The following ANK1 variants were observed in gnomAD, a reference collection of about 807,000 sequenced individuals.
ANK1 encodes the protein ankyrin 1, also known as ankyrin-1.
Under a neutral mutation model 210.4 loss-of-function variants are expected in ANK1, and 51 were observed. The ratio of observed to expected loss-of-function variants is 0.24; its 90% CI spans 0.19 to 0.31. The LOEUF is 0.31. ANK1 is among the 10% of genes least tolerant of loss of function. ANK1 has a pLI of 1.00. For missense variants in ANK1, 2,051 were observed against 2,504.4 expected (o/e 0.82, Z 3.86); for synonymous variants, 967 against 1,025.9 (o/e 0.94, Z 1.10).
At chr8:41,852,613 G>C (rs1285592660) in intron 1 of ANK1, among the ~76,000 whole-genome samples, 1 of 152,226 alleles carries the variant, frequency 6.6e-6, no homozygotes, top group Non-Finnish European at 1.5e-5. Context: ...AGCACCTGCT[G>C]TTTACTAGGC....
At chr8:41,836,120 C>A (rs1369191477) in intron 1 of ANK1, among the ~76,000 whole-genome samples, 1 of 152,248 alleles carries the variant, frequency 6.6e-6, no homozygotes, top group Non-Finnish European at 1.5e-5. Context: ...GAGGCCCCAG[C>A]AAGTCACTTC....
At chr8:41,727,471 C>T in intron 4 of ANK1, 123 bp from the exon 5 acceptor site, 1 of 761,052 alleles carries the variant, frequency 1.3e-6, no homozygotes, top group South Asian at 1.4e-5. Flanking sequence ...CACCTGACCC[C>T]TCCTAAGGAA....
chr8:41,690,634 G>C, intron 31 of ANK1, 35 bp from the exon 32 acceptor site: 1 of 1,605,050 alleles, frequency 6.2e-7, no homozygotes, highest in South Asian at 1.1e-5. Flanking sequence ...AGCTTGTCAG[G>C]GAGAGAAGGG....
At chr8:41,743,125 A>G (rs1018434916) in intron 2 of ANK1, among the ~76,000 whole-genome samples, 4 of 152,202 alleles carry the variant, frequency 2.6e-5, no homozygotes, top group African/African-American at 9.7e-5. Context: ...AACAGAATAT[A>G]TTACGTTTGC....
chr8:41,680,766 CT>C (rs897271948), intron 37 of ANK1, among the ~76,000 whole-genome samples: 6 of 152,160 alleles, frequency 3.9e-5, no homozygotes, highest in African/African-American at 1.4e-4. Flanking sequence ...GTGGGAGTCA[CT>C]ATGAAGCTGC....
At chr8:41,738,953 T>C (rs902665441) in intron 2 of ANK1, among the ~76,000 whole-genome samples, 1 of 152,196 alleles carries the variant, frequency 6.6e-6, no homozygotes, top group African/African-American at 2.4e-5. Context: ...GAGTAAATGA[T>C]TTCACTAAAT....
intron 14 of ANK1, 53 bp downstream of exon 14, chr8:41,715,599 G>A: frequency 6.2e-7 from 1 of 1,602,542 alleles, no homozygotes; most frequent in East Asian, 2.2e-5. Context: ...CGAGCTCCAG[G>A]CCTGGCTGAG....
chr8:41,814,368 A>G (rs1802991592), intron 1 of ANK1, among the ~76,000 whole-genome samples: 1 of 152,122 alleles, frequency 6.6e-6, no homozygotes, highest in Non-Finnish European at 1.5e-5. Context: ...TCAAAAAAAA[A>G]AAAAAAAAGT....
At chr8:41,807,570 A>AG (rs144209400) in intron 1 of ANK1, among the ~76,000 whole-genome samples, 129 of 152,138 alleles carry the variant, frequency 8.5e-4, no homozygotes, top group Admixed American at 1.2e-3. Flanking sequence ...GGCATTGAAG[A>AG]GGGGGTGGTG....
chr8:41,863,134 G>A (rs912633470), intron 1 of ANK1, among the ~76,000 whole-genome samples: 9 of 152,122 alleles, frequency 5.9e-5, no homozygotes, highest in Admixed American at 1.3e-4. Flanking sequence ...GGAGGCAGGC[G>A]GATCACGAGG....
At chr8:41,788,071 T>C (rs1306722863) in intron 1 of ANK1, among the ~76,000 whole-genome samples, 3 of 152,194 alleles carry the variant, frequency 2.0e-5, no homozygotes, top group African/African-American at 7.2e-5. Flanking sequence ...CACCAGGCAG[T>C]GAGACTCATT....
At chr8:41,813,992 CAG>C (rs1802892581) in intron 1 of ANK1, among the ~76,000 whole-genome samples, 1 of 152,238 alleles carries the variant, frequency 6.6e-6, no homozygotes, top group Non-Finnish European at 1.5e-5. Context: ...GTAACATAAT[CAG>C]TGTTTTCAAT....
intron 1 of ANK1, among the ~76,000 whole-genome samples, chr8:41,758,623 T>C (rs981999783): frequency 6.6e-6 from 1 of 152,062 alleles, no homozygotes; most frequent in African/African-American, 2.4e-5. Context: ...ATTACAGGCA[T>C]GAGCCACCGT....
chr8:41,751,601 T>C (rs578248939), intron 2 of ANK1, among the ~76,000 whole-genome samples: 13 of 152,128 alleles, frequency 8.5e-5, no homozygotes, highest in Non-Finnish European at 1.9e-4. Flanking sequence ...CCCGGCAAAA[T>C]GTGTGCTGAG....
At chr8:41,740,358 C>T (rs957910315) in intron 2 of ANK1, among the ~76,000 whole-genome samples, 2 of 151,914 alleles carry the variant, frequency 1.3e-5, no homozygotes, top group African/African-American at 2.4e-5. Context: ...CGGGGTTTCA[C>T]CATGTTGGCC....
At chr8:41,674,538 T>A (rs1438226985) in intron 37 of ANK1, among the ~76,000 whole-genome samples, 1 of 152,240 alleles carries the variant, frequency 6.6e-6, no homozygotes, top group Non-Finnish European at 1.5e-5. Context: ...ACTAGCCCCA[T>A]GACCACTGAA....
chr8:41,724,945 G>A (rs1554577614), intron 6 of ANK1, among the ~76,000 whole-genome samples: 1 of 152,044 alleles, frequency 6.6e-6, no homozygotes, highest in Non-Finnish European at 1.5e-5. Context: ...CTTCAGCCTC[G>A]ACCTCCTGGG....
chr8:41,807,641 A>C (rs1851160656), intron 1 of ANK1, among the ~76,000 whole-genome samples: 1 of 152,134 alleles, frequency 6.6e-6, no homozygotes, highest in Non-Finnish European at 1.5e-5. Flanking sequence ...GACACTGATG[A>C]GGCCGGGCGG....
intron 1 of ANK1, among the ~76,000 whole-genome samples, chr8:41,842,870 C>T (rs189325384): frequency 6.6e-5 from 10 of 152,152 alleles, no homozygotes; most frequent in East Asian, 1.9e-4. Context: ...TGTTTTGAGA[C>T]GGATCTCCTT....
Sources: allele counts gnomAD v4.1 joint callset (sites outside exome capture counted in the v4.1 genomes callset), GRCh38; gene constraint gnomAD v4.1.1; transcripts MANE v1.5; gene names NCBI Gene and HGNC (gene_info 2026-07-23, HGNC 2026-07-21).